The following ZNF536 variants were observed in gnomAD, a reference collection of about 807,000 sequenced individuals.
The protein encoded by ZNF536 is zinc finger protein 536.
In ZNF536, 13 loss-of-function variants were observed where a neutral mutation model predicts 84.5. That is an observed-to-expected ratio of 0.15 (90% CI 0.10 to 0.24). The LOEUF is 0.24. Among genes scored for constraint, ZNF536 ranks in the 10% least tolerant of loss-of-function variants. The pLI is 1.00. For missense variants in ZNF536, 1,536 were observed against 1,747.5 expected, an observed-to-expected ratio of 0.88 and a Z score of 2.16; for synonymous variants, 811 against 742.5, an observed-to-expected ratio of 1.09 and a Z score of -1.50.
chr19:30,289,810 C>T (rs777074109), intron 2 of ZNF536, among the ~76,000 whole-genome samples: 14 of 152,126 alleles, frequency 9.2e-5, no homozygotes, highest in Non-Finnish European at 2.1e-4. Context: ...TGAGTCACAT[C>T]CAGCACACTG....
chr19:30,288,107 T>C (rs2045712643), intron 2 of ZNF536, among the ~76,000 whole-genome samples: 1 of 152,208 alleles, frequency 6.6e-6, no homozygotes. Flanking sequence ...AAAATGTCTT[T>C]AAAAATCCAC....
At position 30,548,494 on chromosome 19, in the gene ZNF536, C is replaced by T. The variant is rs1447485481; in HGVS notation, c.2875C>T (p.Pro959Ser). The change falls in exon 4 of 5, where the codon CCC becomes TCC. Residue 959 changes from proline to serine, a missense_variant. Physicochemically the swap from Pro to Ser is moderately conservative, Grantham distance 74. Coordinates refer to ENST00000355537, the MANE Select transcript of ZNF536 (RefSeq NM_014717.3). ...CGGAGTGGATGGTGGTGAGGAGAAA[C>T]CCAGTGGCAAGTCCTCCCAGAGGAA... ...VHGVDGGEEKPSGKSSQRKSE... is the reference protein window; with the variant it reads ...VHGVDGGEEKSSGKSSQRKSE... 1.2e-6 allele frequency: 2 copies of T among 1,614,164 alleles called. No homozygotes were observed. The highest frequency in any genetic ancestry group is 1.1e-5 in the South Asian group (1 of 91,082).
chr19:30,422,311 A>C (rs1454871061), intron 1 of ZNF536, among the ~76,000 whole-genome samples: 2 of 152,188 alleles, frequency 1.3e-5, no homozygotes, highest in African/African-American at 4.8e-5. Context: ...AGGAAGTTGC[A>C]TCAGAAAGAT....
chr19:30,265,629 A>G (rs2025470119), intron 1 of ZNF536, among the ~76,000 whole-genome samples: 2 of 152,180 alleles, frequency 1.3e-5, no homozygotes, highest in South Asian at 2.1e-4. Context: ...AGGGCTCGCC[A>G]TATTCAGAGG....
chr19:30,415,050 C>T (rs768232771), intron 1 of ZNF536, among the ~76,000 whole-genome samples: 2 of 151,880 alleles, frequency 1.3e-5, no homozygotes, highest in Non-Finnish European at 2.9e-5. Flanking sequence ...CCTCCTCCTT[C>T]TTCTTCCTGC....
chr19:30,547,106 G>A (rs1004524717), intron 3 of ZNF536, among the ~76,000 whole-genome samples: 1 of 151,930 alleles, frequency 6.6e-6, no homozygotes, highest in African/African-American at 2.4e-5. Context: ...TTTTACTACC[G>A]GAGCATTAGG....
chr19:30,265,059 T>C (rs1373228342), intron 1 of ZNF536, among the ~76,000 whole-genome samples: 2 of 152,010 alleles, frequency 1.3e-5, no homozygotes, highest in Non-Finnish European at 1.5e-5. Context: ...GTCACAGAGC[T>C]CTGCCTTCTG....
intron 2 of ZNF536, among the ~76,000 whole-genome samples, chr19:30,489,671 T>C (rs551901299): frequency 6.7e-6 from 1 of 149,286 alleles, no homozygotes; most frequent in Admixed American, 6.6e-5. Context: ...TGTATGTAAC[T>C]TGTTTTGTTT....
chr19:30,519,621 A>T (rs1183383027), intron 2 of ZNF536, among the ~76,000 whole-genome samples: 1 of 152,152 alleles, frequency 6.6e-6, no homozygotes, highest in Non-Finnish European at 1.5e-5. Context: ...GGCCACCTGG[A>T]CCCACTGCCA....
intron 1 of ZNF536, among the ~76,000 whole-genome samples, chr19:30,608,314 G>A (rs573904430): frequency 2.4e-3 from 359 of 152,220 alleles, no homozygotes; most frequent in Middle Eastern, 3.4e-3. Flanking sequence ...CTCATCACAG[G>A]AAGTATTTAC....
chr19:30,297,174 A>G (rs1458924961), intron 2 of ZNF536, among the ~76,000 whole-genome samples: 4 of 152,102 alleles, frequency 2.6e-5, no homozygotes, highest in Non-Finnish European at 2.9e-5. Flanking sequence ...CTTCACTTCC[A>G]TCTTCAACTT....
chr19:30,592,873 T>A (rs1294189300), intron 1 of ZNF536, among the ~76,000 whole-genome samples: 3 of 152,260 alleles, frequency 2.0e-5, no homozygotes, highest in Non-Finnish European at 4.4e-5. Context: ...GTTACATGAA[T>A]AATTGGTATA....
upstream of ZNF536, among the ~76,000 whole-genome samples, chr19:30,368,927 GA>G (rs1281172084): frequency 7.9e-5 from 12 of 152,294 alleles, no homozygotes; most frequent in Non-Finnish European, 1.8e-4. Flanking sequence ...CAGGCCTCAG[GA>G]AAACTCATTC....
chr19:30,426,485 A>G (rs2051219425), intron 1 of ZNF536, among the ~76,000 whole-genome samples: 1 of 152,186 alleles, frequency 6.6e-6, no homozygotes, highest in Non-Finnish European at 1.5e-5. Flanking sequence ...TTGCTTTATC[A>G]GGAAAGTCTT....
At chr19:30,427,454 G>A (rs113357854) in intron 1 of ZNF536, among the ~76,000 whole-genome samples, 1 of 152,162 alleles carries the variant, frequency 6.6e-6, no homozygotes, top group African/African-American at 2.4e-5. Context: ...GCACTTAAAT[G>A]GAGTTATCCC....
chr19:30,524,994 GGTGA>G (rs1465363385), intron 2 of ZNF536, among the ~76,000 whole-genome samples: 1 of 152,062 alleles, frequency 6.6e-6, no homozygotes, highest in Non-Finnish European at 1.5e-5. Flanking sequence ...CTCTTCTATG[GGTGA>G]GTATCTCTTT....
At chr19:30,364,397 T>C (rs2048362891) in intron 3 of ZNF536, among the ~76,000 whole-genome samples, 1 of 152,072 alleles carries the variant, frequency 6.6e-6, no homozygotes, top group Non-Finnish European at 1.5e-5. Flanking sequence ...CATGGTGGCG[T>C]GCACCTGCAA....
chr19:30,623,755 C>A (rs1297805166), intron 1 of ZNF536, among the ~76,000 whole-genome samples: 1 of 152,164 alleles, frequency 6.6e-6, no homozygotes, highest in Admixed American at 6.5e-5. Flanking sequence ...CTTAGTTTGT[C>A]TCCAGGCCTT....
intron 2 of ZNF536, among the ~76,000 whole-genome samples, chr19:30,348,688 A>G (rs1044245622): frequency 6.6e-6 from 1 of 152,234 alleles, no homozygotes; most frequent in African/African-American, 2.4e-5. Flanking sequence ...GGATGCACAC[A>G]GAGCAGGGCA....
Sources: gnomAD v4.1 joint callset for allele counts (sites outside exome capture counted in the v4.1 genomes callset) on GRCh38, gnomAD v4.1.1 for gene constraint, MANE v1.5 for transcripts, NCBI Gene and HGNC (gene_info 2026-07-23, HGNC 2026-07-21) for gene names.